Variants in GART observed in about 807,000 individuals in gnomAD.
The protein encoded by GART is trifunctional purine biosynthetic protein adenosine-3.
Under a neutral mutation model 107.2 loss-of-function variants are expected in GART, and 43 were observed. The observed-to-expected ratio is 0.40, with a 90% CI of 0.31 to 0.52. The LOEUF (loss-of-function observed/expected upper bound fraction) is 0.52, where lower values mean the gene tolerates loss of function less well. Among genes scored for constraint, GART ranks in the 20% least tolerant of loss-of-function variants. The pLI is 0.52. For missense variants in GART, 1,107 were observed against 1,206.5 expected, an observed-to-expected ratio of 0.92 and a Z score of 1.22; for synonymous variants, 434 against 427.0, an observed-to-expected ratio of 1.02 and a Z score of -0.20.
chr21:33,528,805 A>C (rs986421620), intron 8 of GART, 45 bp downstream of exon 8: 2 of 1,380,700 alleles, frequency 1.4e-6, no homozygotes, highest in Middle Eastern at 1.8e-4. Flanking sequence ...CAAAAGTAGA[A>C]AGTTACTCTA....
chr21:33,530,980 G>T, intron 6 of GART, 96 bp from the exon 7 acceptor site: 3 of 1,178,626 alleles, frequency 2.5e-6, no homozygotes, highest in South Asian at 2.2e-5. Flanking sequence ...ATTCTTCTTT[G>T]AGGAAAAGTT....
chr21:33,525,738 T>C (rs1290587286), intron 10 of GART, among the ~76,000 whole-genome samples: 1 of 152,222 alleles, frequency 6.6e-6, no homozygotes, highest in East Asian at 1.9e-4. Context: ...AACTGTCTGC[T>C]ATTTTAGGAT....
At chr21:33,541,002 T>G (rs1368002504) in intron 1 of GART, among the ~76,000 whole-genome samples, 3 of 149,784 alleles carry the variant, frequency 2.0e-5, no homozygotes, top group African/African-American at 4.9e-5. Context: ...TCTCAACAAG[T>G]GAAACGATGA....
Position 33,520,451 on chromosome 21 carries a change from A to G in GART, c.1615T>C (p.Ser539Pro), listed in dbSNP as rs1259677598. ...AEPLFFLDYF[S>P]CGKLDLSVTE... Reference sequence around the variant, plus strand: ...ACACTGAGGTCAAGTTTTCCACAGGAAAAGTAATCAAGGAAGAAGAGGGGC... The same window carrying G: ...ACACTGAGGTCAAGTTTTCCACAGGGAAAGTAATCAAGGAAGAAGAGGGGC... Residue 539 changes from serine to proline, a missense_variant, in exon 14 of 22, where the codon TCC becomes CCC. Physicochemically the swap from Ser to Pro is moderately conservative, Grantham distance 74. Coordinates refer to ENST00000381815, the MANE Select transcript of GART (RefSeq NM_000819.5). The G allele has an allele frequency of 6.2e-7, 1 of 1,614,134 alleles. No individual in the cohort carries two copies. Among genetic ancestry groups the G allele is most frequent in the Admixed American group, 1.7e-5 (1 of 60,026 alleles).
Position 33,532,342 on chromosome 21 carries a change from T to C in GART, c.528+3A>G. On this transcript the variant is annotated splice_donor_region_variant and intron_variant, in intron 5 of 21. Transcript: ENST00000381815. The stretch of plus-strand genomic sequence containing the variant: ...GTAAATTTTTTCAGAAGACCCAGCC[T>C]ACCTGCATGATCTCTTGTACAGCTT... 1 of 1,606,858 alleles carries C rather than the reference T, an allele frequency of 6.2e-7. No homozygotes were observed. The highest frequency in any genetic ancestry group is 8.5e-7 in the Non-Finnish European group (1 of 1,173,768).
At chr21:33,515,590 C>T (rs558930256) in intron 16 of GART, among the ~76,000 whole-genome samples, 44 of 133,398 alleles carry the variant, frequency 3.3e-4, no homozygotes, top group African/African-American at 1.0e-3. Flanking sequence ...CAGTGAGCTG[C>T]GATTGCGCCA....
chr21:33,518,104 AC>A (rs2084909459), intron 14 of GART, among the ~76,000 whole-genome samples: 2 of 152,232 alleles, frequency 1.3e-5, no homozygotes, highest in African/African-American at 4.8e-5. Flanking sequence ...CAAATAAGAA[AC>A]TGTGTTCTAA....
chr21:33,511,541 A>G (rs2084786312), intron 16 of GART, 83 bp from the exon 17 acceptor site: 2 of 1,369,408 alleles, frequency 1.5e-6, no homozygotes, highest in African/African-American at 1.4e-5. Flanking sequence ...AAAGATGTGG[A>G]AATTATAATC....
At chr21:33,518,611 C>T (rs2084918270) in intron 14 of GART, 1 of 327,512 alleles carries the variant, frequency 3.1e-6, no homozygotes, top group Admixed American at 3.9e-5. Context: ...AGAAAGCAGT[C>T]ATAATGTAAA....
At chr21:33,504,383 A>G (rs2084643582) in intron 21 of GART, 29 bp downstream of exon 21, 1 of 1,609,456 alleles carries the variant, frequency 6.2e-7, no homozygotes, top group Non-Finnish European at 8.5e-7. Flanking sequence ...GACTACTAAT[A>G]TTATGTTGGT....
At chr21:33,527,743 C>T (rs2085101587) in intron 10 of GART, among the ~76,000 whole-genome samples, 1 of 152,090 alleles carries the variant, frequency 6.6e-6, no homozygotes, top group Non-Finnish European at 1.5e-5. Context: ...CTATGGGGTG[C>T]ACTGTAAACT....
At position 33,535,258 on chromosome 21, in the gene GART, C is replaced by A; in HGVS notation, c.208G>T (p.Val70Leu). Residue 70 changes from valine to leucine, a missense_variant, in exon 3 of 22, where the codon GTA becomes TTA. By Grantham distance (32) the Val-to-Leu change is conservative. Coordinates refer to ENST00000381815, the MANE Select transcript of GART (RefSeq NM_000819.5). Reference protein sequence around the residue: ...QFCKEKKIEFVVVGPEAPLAA... With the variant: ...QFCKEKKIEFLVVGPEAPLAA... The stretch of plus-strand genomic sequence containing the variant: ...AGAGGTGCTTCTGGTCCAACAACTA[C>A]AAATTCAATTTTCTTCTCTTTGCAG... 1 of 1,382,002 alleles carries A rather than the reference C, an allele frequency of 7.2e-7. No homozygotes were observed. The highest frequency in any genetic ancestry group is 9.6e-7 in the Non-Finnish European group (1 of 1,037,612). 85.6% of individuals were successfully genotyped at this position (1,382,002 alleles called of 1,614,324 possible).
intron 10 of GART, among the ~76,000 whole-genome samples, chr21:33,526,130 A>C (rs1454296897): frequency 2.6e-5 from 4 of 151,350 alleles, no homozygotes; most frequent in African/African-American, 7.3e-5. Flanking sequence ...GGGCCTCCCA[A>C]AGTGCTGGGA....
chr21:33,539,869 G>A (rs1375411309), intron 1 of GART, among the ~76,000 whole-genome samples: 1 of 152,140 alleles, frequency 6.6e-6, no homozygotes, highest in East Asian at 1.9e-4. Flanking sequence ...CTGGCCTAGA[G>A]AGCTAGGTTA....
At position 33,530,347 on chromosome 21, in the gene GART, A is replaced by G. The variant is rs144738873; in HGVS notation, c.723+412T>C. On this transcript the variant is annotated intron_variant, in intron 7 of 21. Coordinates refer to ENST00000381815, the MANE Select transcript of GART (RefSeq NM_000819.5). The stretch of plus-strand genomic sequence containing the variant: ...TCTGATCTGACTTGGTTCTCAATTC[A>G]TATCACACGCACACTAGAAATTCTG... 5.9e-5 allele frequency among the ~76,000 whole-genome samples: 9 copies of G among 152,364 alleles called. No individual in the cohort carries two copies. In the East Asian group the frequency reaches 9.6e-4, roughly 16 times the overall value.
chr21:33,533,332 G>A (rs910029724), intron 4 of GART, among the ~76,000 whole-genome samples: 14 of 151,542 alleles, frequency 9.2e-5, no homozygotes, highest in African/African-American at 3.4e-4. Flanking sequence ...CCAGCTACTC[G>A]GGAGGCTGAA....
chr21:33,518,813 G>A lies in GART; in HGVS notation c.1703-1205C>T, dbSNP rs189917364. 1,119 of 521,006 alleles carry A rather than the reference G, an allele frequency of 2.1e-3. 14 individuals are homozygous for A. Among genetic ancestry groups the A allele is most frequent in the East Asian group, 0.011 (237 of 20,702 alleles). 32.3% of individuals were successfully genotyped at this position (521,006 alleles called of 1,614,324 possible). ...AGCTTCAGTCGGTCTCCTTAAACTA[G>A]TCAGATTGTCTGCACCAAGCTGGTT... On this transcript the variant is annotated intron_variant, in intron 14 of 21. Transcript: ENST00000381815.
At chr21:33,534,041 A>C (rs2085252013) in intron 4 of GART, among the ~76,000 whole-genome samples, 1 of 152,210 alleles carries the variant, frequency 6.6e-6, no homozygotes, top group South Asian at 2.1e-4. Flanking sequence ...TCTTCCTGCA[A>C]GGCCACAAGA....
Position 33,506,036 on chromosome 21 carries a change from T to C in GART, c.2521A>G (p.Ile841Val). Residue 841 changes from isoleucine (I) to valine (V), a missense_variant, in exon 19 of 22, where the codon ATC becomes GTC. Physicochemically the swap from Ile to Val is conservative, Grantham distance 29. Transcript: ENST00000381815. Reference sequence around the variant, plus strand: ...CCAGCTACTGCGGCTTTGTTGGAGATAACAATATCAATTTGTGCAGAGCTA... The same window carrying C: ...CCAGCTACTGCGGCTTTGTTGGAGACAACAATATCAATTTGTGCAGAGCTA... The part of the protein sequence containing the change: ...PNSSAQIDIV[I>V]SNKAAVAGLD... The C allele has an allele frequency of 6.2e-7, 1 of 1,614,186 alleles. No individual in the cohort carries two copies. Among genetic ancestry groups the C allele is most frequent in the Non-Finnish European group, 8.5e-7 (1 of 1,180,024 alleles).
Sources: gnomAD v4.1 joint callset for allele counts (sites outside exome capture counted in the v4.1 genomes callset) on GRCh38, gnomAD v4.1.1 for gene constraint, MANE v1.5 for transcripts, NCBI Gene and HGNC (gene_info 2026-07-23, HGNC 2026-07-21) for gene names.